Variants in TIAM1 observed in about 807,000 individuals in gnomAD.
TIAM1 encodes rho guanine nucleotide exchange factor TIAM1.
A neutral mutation model predicts 163.5 loss-of-function variants in TIAM1; 65 were observed. The observed-to-expected ratio is 0.40, with a 90% CI of 0.33 to 0.49. The LOEUF is 0.49. TIAM1 is among the 20% of genes least tolerant of loss of function. The probability of loss-of-function intolerance (pLI) is 0.77; values close to 1 mark genes in which losing one functional copy is unlikely to be tolerated. For synonymous variants in TIAM1, 833 were observed against 810.1 expected (o/e 1.03, Z -0.48); for missense variants, 1,789 against 2,044.7 (o/e 0.87, Z 2.41).
At chr21:31,146,250 T>C (rs896240567) in intron 20 of TIAM1, among the ~76,000 whole-genome samples, 10 of 151,766 alleles carry the variant, frequency 6.6e-5, no homozygotes, top group African/African-American at 2.4e-4. Context: ...CTGGCCAACA[T>C]GGTGAAACCC....
intron 2 of TIAM1, among the ~76,000 whole-genome samples, chr21:31,436,976 A>G (rs2044231327): frequency 1.3e-5 from 2 of 152,250 alleles, no homozygotes; most frequent in South Asian, 2.1e-4. Flanking sequence ...AAATAAAAAT[A>G]AAAAACGATA....
chr21:31,430,227 T>C (rs909471126), intron 2 of TIAM1, among the ~76,000 whole-genome samples: 1 of 72,842 alleles, frequency 1.4e-5, no homozygotes, highest in Non-Finnish European at 2.3e-5. Context: ...AAAAAAAAAA[T>C]ATATATATAT....
rs1341252103 is a variant in TIAM1 at position 31,143,758 on chromosome 21, C to T, written c.3476-2254G>A. The stretch of plus-strand genomic sequence containing the variant: ...TTTTTTTTTTTCTGAGACGGAGTCT[C>T]GATCTGTTGCCCAGGCTAGAGTGCG... On this transcript the variant is annotated intron_variant, in intron 20 of 27. Coordinates refer to ENST00000541036, the MANE Select transcript of TIAM1 (RefSeq NM_001353694.2). Among the ~76,000 whole-genome samples the T allele has an allele frequency of 4.6e-5, 7 of 150,616 alleles. No individual in the cohort carries two copies. In the East Asian group the frequency reaches 9.7e-4, roughly 21 times the overall value.
At position 31,378,712 on chromosome 21, in the gene TIAM1, C is replaced by T. The variant is rs979532648; in HGVS notation, c.-368-39290G>A. On this transcript the variant is annotated intron_variant, in intron 2 of 28. Transcript: ENST00000286827. The stretch of plus-strand genomic sequence containing the variant: ...GCCAAGAGAGTTGGTCTTCGGTATC[C>T]GTAGGTTCTGCACCCCTGGGTTCCA... Among the ~76,000 whole-genome samples, 6 of 152,202 alleles carry T rather than the reference C, an allele frequency of 3.9e-5. 1 individual carries two copies. The highest frequency in any genetic ancestry group is 3.4e-3 in the Middle Eastern group (1 of 294).
chr21:31,410,252 T>C (rs867571131), intron 2 of TIAM1, among the ~76,000 whole-genome samples: 7 of 151,702 alleles, frequency 4.6e-5, no homozygotes, highest in Admixed American at 3.9e-4. Flanking sequence ...TGTGTGACAG[T>C]GTATATATTT....
At chr21:31,418,530 C>A (rs1456148900) in intron 2 of TIAM1, among the ~76,000 whole-genome samples, 1 of 152,020 alleles carries the variant, frequency 6.6e-6, no homozygotes, top group African/African-American at 2.4e-5. Flanking sequence ...CTCTCCCCTA[C>A]CCCGGTGGCT....
chr21:31,528,831 A>T (rs1053386019), intron 1 of TIAM1, among the ~76,000 whole-genome samples: 9 of 106,128 alleles, frequency 8.5e-5, no homozygotes, highest in Non-Finnish European at 1.9e-4. Context: ...AACAAATTAA[A>T]AAAAAAAAAC....
intron 2 of TIAM1, among the ~76,000 whole-genome samples, chr21:31,362,055 G>A (rs144817583): frequency 7.9e-5 from 12 of 152,150 alleles, no homozygotes; most frequent in Non-Finnish European, 1.2e-4. Context: ...CAGCTACCAG[G>A]GAGGCTAGAC....
In TIAM1 at chr21:31,252,127, G is replaced by T; in HGVS notation, c.1026C>A (p.Asp342Glu). 1 of 1,612,588 alleles carries T rather than the reference G, an allele frequency of 6.2e-7. No individual in the cohort carries two copies. Residue 342 changes from aspartate to glutamate, a missense_variant, in exon 5 of 28, where the codon GAC becomes GAA. Transcript: ENST00000541036. ...TAGATCGCCTGGACAGGAGGTCCGT[G>T]TCGGTAGTGGCCCCTTCAATCCCAC... ...ADSGIEGATT[D>E]TDLLSRRSNA...
intron 26 of TIAM1, among the ~76,000 whole-genome samples, chr21:31,126,324 T>C (rs1028383470): frequency 6.6e-6 from 1 of 152,108 alleles, no homozygotes; most frequent in Non-Finnish European, 1.5e-5. Flanking sequence ...ATCCAAGCAC[T>C]GTGGCAGGCC....
chr21:31,225,588 A>C, intron 7 of TIAM1, 138 bp downstream of exon 7: 1 of 682,172 alleles, frequency 1.5e-6, no homozygotes. Context: ...GTCACAGTAA[A>C]GAACTTAGCA....
intron 22 of TIAM1, among the ~76,000 whole-genome samples, chr21:31,139,561 A>G (rs1328990650): frequency 6.6e-6 from 1 of 152,188 alleles, no homozygotes; most frequent in East Asian, 1.9e-4. Flanking sequence ...TCTTGAAACC[A>G]TAGTTTTCTT....
chr21:31,469,664 T>G (rs1343365312), intron 1 of TIAM1, among the ~76,000 whole-genome samples: 8 of 151,470 alleles, frequency 5.3e-5, no homozygotes, highest in African/African-American at 1.9e-4. Flanking sequence ...CCATTTCTAC[T>G]AAAAAAAGTA....
intron 2 of TIAM1, among the ~76,000 whole-genome samples, chr21:31,350,592 A>T (rs562132119): frequency 6.6e-6 from 1 of 152,096 alleles, no homozygotes; most frequent in African/African-American, 2.4e-5. Context: ...GGTTGTATAA[A>T]AGTTTGTGGC....
Position 31,266,892 on chromosome 21 carries a change from G to T in TIAM1, c.81C>A (p.Ser27=). ...TCTTGTGCGAGAGGCGCAGGGAGCG[G>T]GAAGTGTGCTTGCGCCCCAGGCTGG... is the stretch of plus-strand genomic sequence containing the variant. ...KHASLGRKHT[S]RSLRLSHKTR... Residue 27 remains serine (S), a synonymous_variant, in exon 4 of 28, where the codon TCC becomes TCA. Coordinates refer to ENST00000541036, the MANE Select transcript of TIAM1 (RefSeq NM_001353694.2). The T allele has an allele frequency of 6.2e-7, 1 of 1,613,876 alleles. No homozygotes were observed. Among genetic ancestry groups the T allele is most frequent in the African/African-American group, 1.3e-5 (1 of 75,052 alleles).
At chr21:31,203,043 T>C in intron 11 of TIAM1, 31 bp from the exon 12 acceptor site, 1 of 1,552,328 alleles carries the variant, frequency 6.4e-7, no homozygotes, top group South Asian at 1.1e-5. Context: ...AGAAAGAAAA[T>C]GTCTGTTCAA....
chr21:31,340,896 T>A (rs773993493), intron 1 of TIAM1, among the ~76,000 whole-genome samples: 22 of 146,410 alleles, frequency 1.5e-4, no homozygotes, highest in Admixed American at 6.8e-4. Context: ...ACTGGGAAAG[T>A]AAGATAAAAA....
chr21:31,384,734 T>C (rs1384906292), intron 2 of TIAM1, among the ~76,000 whole-genome samples: 1 of 152,182 alleles, frequency 6.6e-6, no homozygotes, highest in Non-Finnish European at 1.5e-5. Flanking sequence ...GAGCTGTCAG[T>C]GGAGACCCAA....
chr21:31,426,590 C>G (rs1270619269), intron 2 of TIAM1, among the ~76,000 whole-genome samples: 2 of 152,166 alleles, frequency 1.3e-5, no homozygotes, highest in African/African-American at 2.4e-5. Context: ...GGTCTAATAA[C>G]TGATTCAGAA....
Sources: allele counts gnomAD v4.1 joint callset (sites outside exome capture counted in the v4.1 genomes callset), GRCh38; gene constraint gnomAD v4.1.1; transcripts MANE v1.5; gene names NCBI Gene and HGNC (gene_info 2026-07-23, HGNC 2026-07-21).